Variants in SLC24A2 observed in about 807,000 individuals in gnomAD.
The protein encoded by SLC24A2 is solute carrier family 24 member 2.
A neutral mutation model predicts 62.0 loss-of-function variants in SLC24A2; 36 were observed. The ratio of observed to expected loss-of-function variants is 0.58; its 90% confidence interval spans 0.44 to 0.77. The LOEUF (loss-of-function observed/expected upper bound fraction) is 0.77, where lower values mean the gene tolerates loss of function less well. Ranked by LOEUF, SLC24A2 falls within the 30% of genes least tolerant of loss-of-function variation. The probability of loss-of-function intolerance (pLI) is 0.00; values close to 1 mark genes in which losing one functional copy is unlikely to be tolerated. For synonymous variants in SLC24A2, 358 were observed against 294.0 expected, an observed-to-expected ratio of 1.22 and a Z score of -2.23; for missense variants, 846 against 817.9, an observed-to-expected ratio of 1.03 and a Z score of -0.42.
chr9:19,753,860 G>A (rs1423516754), intron 2 of SLC24A2, among the ~76,000 whole-genome samples: 1 of 152,098 alleles, frequency 6.6e-6, no homozygotes, highest in Non-Finnish European at 1.5e-5. Context: ...ACATAAAGTG[G>A]CAGGGGATGA....
rs58241037 is a variant in SLC24A2 at position 19,762,793 on chromosome 9, C to CTTTTTTTTTTTTTTTTTTTTTTTTTTT, written c.930+23143_930+23144insAAAAAAAAAAAAAAAAAAAAAAAAAAA. Among the ~76,000 whole-genome samples the CTTTTTTTTTTTTTTTTTTTTTTTTTTT allele has an allele frequency of 2.0e-5, 2 of 102,394 alleles. 1 individual carries two copies. 67.2% of individuals were successfully genotyped at this position (102,394 alleles called of 152,430 possible). Reference sequence around the variant, plus strand: ...CTTAGGATTGTCTTGGCTATATGTGCTTTTTTTTTTTTTTTTTTGGTTCCA... The same window carrying CTTTTTTTTTTTTTTTTTTTTTTTTTTT: ...CTTAGGATTGTCTTGGCTATATGTGCTTTTTTTTTTTTTTTTTTTTTTTTTTTTTTTTTTTTTTTTTTTTTGGTTCCA... On this transcript the variant is annotated intron_variant, in intron 2 of 10. Transcript: ENST00000341998.
the SLC24A2 span, among the ~76,000 whole-genome samples, chr9:20,023,528 G>C: frequency 3.0e-3 from 457 of 152,008 alleles, 3 homozygotes; most frequent in African/African-American, 0.01. Flanking sequence ...GGAAGCCAAA[G>C]GATTTAGTTC....
chr9:19,734,634 TTC>T (rs1224856456), intron 2 of SLC24A2, among the ~76,000 whole-genome samples: 1 of 152,202 alleles, frequency 6.6e-6, no homozygotes, highest in Non-Finnish European at 1.5e-5. Flanking sequence ...AGGTATTTTA[TTC>T]TCTTTGAAGA....
chr9:19,587,065 C>A (rs907313317), intron 5 of SLC24A2, among the ~76,000 whole-genome samples: 2 of 152,284 alleles, frequency 1.3e-5, no homozygotes, highest in South Asian at 2.1e-4. Flanking sequence ...CATAAAAATT[C>A]TCTTCAGAGT....
chr9:20,081,668 G>A, the SLC24A2 span, among the ~76,000 whole-genome samples: 7 of 152,066 alleles, frequency 4.6e-5, no homozygotes, highest in Non-Finnish European at 1.0e-4. Flanking sequence ...GTAGGTCAAA[G>A]GGCATGTGTT....
chr9:19,604,517 TGCTAATTTATATCCA>T, intron 4 of SLC24A2, among the ~76,000 whole-genome samples: 1 of 152,302 alleles, frequency 6.6e-6, no homozygotes, highest in Non-Finnish European at 1.5e-5. Context: ...AGAGAATCAG[TGCTAATTTATATCCA>T]GCTATTGGGT....
chr9:19,512,592 T>G lies in SLC24A2; in HGVS notation c.*3561A>C, dbSNP rs1563920485. The G allele has an allele frequency of 6.6e-6, 1 of 152,194 alleles. No homozygotes were observed. The highest frequency in any genetic ancestry group is 1.5e-5 in the Non-Finnish European group (1 of 68,060). The allele number at this position is 152,194 out of a possible 1,614,324, so 9.4% of individuals were successfully genotyped here. A position where few individuals can be genotyped will look rare whatever the true frequency, so the allele number is the denominator to read the frequency against. ...TGGCATGGGCATTCTCAGATGCAATTTAGGAGTTTCTATTTGGGAATTGTC... is the reference window on the plus strand; with the variant it reads ...TGGCATGGGCATTCTCAGATGCAATGTAGGAGTTTCTATTTGGGAATTGTC... On this transcript the variant is annotated 3_prime_UTR_variant, in exon 11 of 11. Transcript: ENST00000341998.
chr9:19,657,489 A>C (rs1818974353), intron 2 of SLC24A2, among the ~76,000 whole-genome samples: 1 of 152,020 alleles, frequency 6.6e-6, no homozygotes, highest in Non-Finnish European at 1.5e-5. Flanking sequence ...CCTGTCATCT[A>C]GGTTTTAAGC....
the SLC24A2 span, among the ~76,000 whole-genome samples, chr9:20,033,937 C>A: frequency 6.6e-6 from 1 of 152,226 alleles, no homozygotes; most frequent in African/African-American, 2.4e-5. Context: ...TTGGCTCACT[C>A]TTGAATTCTT....
the SLC24A2 span, among the ~76,000 whole-genome samples, chr9:19,874,388 A>T: frequency 6.6e-6 from 1 of 152,118 alleles, no homozygotes; most frequent in Non-Finnish European, 1.5e-5. Flanking sequence ...AATATCTCCC[A>T]TTCTTATTTT....
At chr9:19,553,999 T>G (rs867470516) in intron 7 of SLC24A2, among the ~76,000 whole-genome samples, 1 of 152,148 alleles carries the variant, frequency 6.6e-6, no homozygotes, top group Middle Eastern at 3.2e-3. Context: ...CCCCCACCAG[T>G]ACCTCAGAAT....
At chr9:20,087,343 G>T in the SLC24A2 span, among the ~76,000 whole-genome samples, 1 of 152,176 alleles carries the variant, frequency 6.6e-6, no homozygotes, top group African/African-American at 2.4e-5. Flanking sequence ...CATAAGAATA[G>T]ATATTAACAA....
At chr9:20,116,444 C>G in the SLC24A2 span, among the ~76,000 whole-genome samples, 2 of 152,126 alleles carry the variant, frequency 1.3e-5, no homozygotes, top group East Asian at 3.9e-4. Context: ...TCCTATGTTT[C>G]TCTTGAATTC....
chr9:19,949,166 A>G, the SLC24A2 span, among the ~76,000 whole-genome samples: 1 of 151,856 alleles, frequency 6.6e-6, no homozygotes, highest in African/African-American at 2.4e-5. Context: ...GCTAATTTTT[A>G]TATTTTTAGT....
chr9:19,732,636 C>T (rs1010519097), intron 2 of SLC24A2, among the ~76,000 whole-genome samples: 2 of 152,090 alleles, frequency 1.3e-5, no homozygotes, highest in Non-Finnish European at 2.9e-5. Flanking sequence ...ATAATCCTAA[C>T]GTCGCAATCT....
intron 2 of SLC24A2, among the ~76,000 whole-genome samples, chr9:19,741,738 A>G (rs1439771644): frequency 1.3e-5 from 2 of 152,178 alleles, no homozygotes; most frequent in African/African-American, 4.8e-5. Flanking sequence ...TCCAAGAGTT[A>G]TATACTCTGT....
chr9:19,559,801 T>C (rs1042848384), intron 7 of SLC24A2, among the ~76,000 whole-genome samples: 7 of 152,214 alleles, frequency 4.6e-5, no homozygotes, highest in East Asian at 1.9e-4. Flanking sequence ...CTCACCTCCA[T>C]TGTTTCCTAA....
chr9:19,566,279 AC>A (rs1244003570), intron 7 of SLC24A2, among the ~76,000 whole-genome samples: 1 of 149,982 alleles, frequency 6.7e-6, no homozygotes, highest in Non-Finnish European at 1.5e-5. Flanking sequence ...GAAAAAAACA[AC>A]CCCATCAAAA....
the SLC24A2 span, among the ~76,000 whole-genome samples, chr9:20,044,406 G>A: frequency 3.3e-3 from 498 of 152,264 alleles, 2 homozygotes; most frequent in African/African-American, 0.012. Flanking sequence ...GTATTTGTGA[G>A]CACAGGATCC....
Sources: allele counts gnomAD v4.1 joint callset (sites outside exome capture counted in the v4.1 genomes callset), GRCh38; gene constraint gnomAD v4.1.1; transcripts MANE v1.5; gene names NCBI Gene and HGNC (gene_info 2026-07-23, HGNC 2026-07-21).